Variants in KDM4C observed in about 807,000 individuals in gnomAD.
The protein encoded by KDM4C is lysine-specific demethylase 4C.
In KDM4C, 81 loss-of-function variants were observed where a neutral mutation model predicts 129.3. The observed-to-expected ratio is 0.63, with a 90% confidence interval of 0.52 to 0.75. The LOEUF is 0.75. Ranked by LOEUF, KDM4C falls within the 30% of genes least tolerant of loss-of-function variation. KDM4C has a pLI of 0.00. For missense variants in KDM4C, 1,457 were observed against 1,304.0 expected, an observed-to-expected ratio of 1.12 and a Z score of -1.81; for synonymous variants, 573 against 456.1, an observed-to-expected ratio of 1.26 and a Z score of -3.26.
intron 1 of KDM4C, among the ~76,000 whole-genome samples, chr9:6,761,050 G>T (rs1166987898): frequency 6.9e-6 from 1 of 145,092 alleles, no homozygotes; most frequent in Non-Finnish European, 1.5e-5. Context: ...TGTCCATGGA[G>T]TCTCACTCTG....
intron 17 of KDM4C, chr9:7,077,282 A>T (rs1267348496): frequency 2.1e-6 from 2 of 949,288 alleles, no homozygotes; most frequent in East Asian, 2.3e-4. Flanking sequence ...TAGTGCTTGT[A>T]ATTTGATTTG....
At chr9:6,952,018 T>G in intron 8 of KDM4C, among the ~76,000 whole-genome samples, 1 of 152,140 alleles carries the variant, frequency 6.6e-6, no homozygotes, top group Non-Finnish European at 1.5e-5. Flanking sequence ...ATTTAAAAAA[T>G]ATAATAACCA....
At chr9:6,863,631 C>G (rs568850190) in intron 5 of KDM4C, among the ~76,000 whole-genome samples, 2 of 151,830 alleles carry the variant, frequency 1.3e-5, no homozygotes, top group Non-Finnish European at 2.9e-5. Context: ...CTTGTCTCTA[C>G]TAAAAATACA....
At chr9:7,091,154 C>G (rs772696427) in intron 17 of KDM4C, among the ~76,000 whole-genome samples, 43 of 150,198 alleles carry the variant, frequency 2.9e-4, no homozygotes, top group Non-Finnish European at 4.9e-4. Flanking sequence ...CCAGGTGACT[C>G]TTTCTTTCGA....
chr9:7,164,740 G>C (rs1259952385), intron 19 of KDM4C, among the ~76,000 whole-genome samples: 3 of 152,156 alleles, frequency 2.0e-5, no homozygotes, highest in Admixed American at 2.0e-4. Context: ...CACTCCTCCA[G>C]AGATCCTGGC....
At chr9:6,834,687 A>C (rs543529015) in intron 4 of KDM4C, 2 of 842,964 alleles carry the variant, frequency 2.4e-6, no homozygotes, top group East Asian at 2.4e-5. Flanking sequence ...ATCATTACCA[A>C]CTGGGACAAC....
At chr9:7,105,035 A>T (rs140623186) in intron 18 of KDM4C, among the ~76,000 whole-genome samples, 1 of 152,244 alleles carries the variant, frequency 6.6e-6, no homozygotes, top group African/African-American at 2.4e-5. Flanking sequence ...TCAGGTTCCA[A>T]GTTGCATATT....
chr9:6,858,830 T>G (rs1048621684), intron 5 of KDM4C, among the ~76,000 whole-genome samples: 1 of 152,038 alleles, frequency 6.6e-6, no homozygotes, highest in Non-Finnish European at 1.5e-5. Flanking sequence ...TTACCCAGCT[T>G]TATCATTTTT....
At chr9:6,737,884 C>G (rs1395859854) in intron 1 of KDM4C, among the ~76,000 whole-genome samples, 1 of 151,980 alleles carries the variant, frequency 6.6e-6, no homozygotes, top group African/African-American at 2.4e-5. Flanking sequence ...CACTTGTAAT[C>G]CCAGCACTTT....
At chr9:6,750,501 C>T (rs192488138) in intron 1 of KDM4C, among the ~76,000 whole-genome samples, 232 of 151,372 alleles carry the variant, frequency 1.5e-3, no homozygotes, top group African/African-American at 5.4e-3. Flanking sequence ...AGCATAGCTT[C>T]TGTCTTATAG....
At chr9:6,816,561 A>G (rs1330944128) in intron 4 of KDM4C, among the ~76,000 whole-genome samples, 1 of 152,180 alleles carries the variant, frequency 6.6e-6, no homozygotes, top group African/African-American at 2.4e-5. Context: ...TATACTTCAT[A>G]CCTTATACCT....
chr9:6,927,086 AT>A (rs752777682), intron 8 of KDM4C, among the ~76,000 whole-genome samples: 36 of 123,558 alleles, frequency 2.9e-4, no homozygotes, highest in Non-Finnish European at 4.3e-4. Context: ...TTCAAAAAAA[AT>A]TTTCTATCTA....
chr9:6,778,463 A>G (rs1166241077), intron 1 of KDM4C, among the ~76,000 whole-genome samples: 1 of 151,914 alleles, frequency 6.6e-6, no homozygotes. Flanking sequence ...GCTAAATACA[A>G]AAGTTTATCA....
At chr9:7,029,953 T>A (rs1826451476) in intron 15 of KDM4C, among the ~76,000 whole-genome samples, 1 of 152,170 alleles carries the variant, frequency 6.6e-6, no homozygotes, top group Non-Finnish European at 1.5e-5. Flanking sequence ...GCTATGTCCT[T>A]CTAGGGAGCT....
chr9:6,954,962 A>G (rs1351221663), intron 8 of KDM4C, among the ~76,000 whole-genome samples: 1 of 152,236 alleles, frequency 6.6e-6, no homozygotes, highest in Admixed American at 6.5e-5. Flanking sequence ...GTACTGCAGG[A>G]GGCATCAGGG....
rs62533752 is a variant in KDM4C at position 6,828,441 on chromosome 9, C to A, written c.435+13696C>A. 6.9e-3 allele frequency among the ~76,000 whole-genome samples: 1,056 copies of A among 152,248 alleles called. 5 individuals carry two copies. The highest frequency in any genetic ancestry group is 0.017 in the Middle Eastern group (5 of 294). ...GGATTACAGGTGTGAGCCACCGTGC[C>A]CGGCCATCTCTGGAATAAGTTTCTA... On this transcript the variant is annotated intron_variant, in intron 4 of 21. Transcript: ENST00000381309.
intron 5 of KDM4C, among the ~76,000 whole-genome samples, chr9:6,871,562 A>C (rs532174433): frequency 6.6e-6 from 1 of 152,322 alleles, no homozygotes; most frequent in East Asian, 1.9e-4. Flanking sequence ...GAAAAACCCT[A>C]CTGTCCCAAA....
At chr9:6,870,507 G>C (rs1209618410) in intron 5 of KDM4C, among the ~76,000 whole-genome samples, 2 of 152,030 alleles carry the variant, frequency 1.3e-5, no homozygotes, top group African/African-American at 4.8e-5. Context: ...AGTAGAACTT[G>C]TATTATAACA....
At chr9:6,949,011 C>G (rs552711033) in intron 8 of KDM4C, among the ~76,000 whole-genome samples, 295 of 152,348 alleles carry the variant, frequency 1.9e-3, no homozygotes, top group Non-Finnish European at 3.5e-3. Flanking sequence ...ACCTCCCAGA[C>G]GGGGTGGCGG....
Sources: allele counts gnomAD v4.1 joint callset (sites outside exome capture counted in the v4.1 genomes callset), GRCh38; gene constraint gnomAD v4.1.1; transcripts MANE v1.5; gene names NCBI Gene and HGNC (gene_info 2026-07-23, HGNC 2026-07-21).